SLC2A10: variants seen among roughly 807,000 people sequenced by gnomAD.
SLC2A10 encodes solute carrier family 2 member 10.
SLC2A10 carries 25 observed loss-of-function variants against 32.1 expected under a neutral mutation model. That is an observed-to-expected ratio of 0.78 (90% CI 0.57 to 1.09). The LOEUF (loss-of-function observed/expected upper bound fraction) is 1.09, where lower values mean the gene tolerates loss of function less well. SLC2A10 is among the 50% of genes least tolerant of loss of function. The pLI is 0.00. For synonymous variants in SLC2A10, 332 were observed against 309.6 expected, an observed-to-expected ratio of 1.07 and a Z score of -0.76; for missense variants, 673 against 686.5, an observed-to-expected ratio of 0.98 and a Z score of 0.22.
chr20:46,715,092 AC>A (rs932897423), intron 1 of SLC2A10, among the ~76,000 whole-genome samples: 1 of 152,050 alleles, frequency 6.6e-6, no homozygotes, highest in African/African-American at 2.4e-5. Context: ...CTGAGCCTTA[AC>A]CTCCACATCT....
chr20:46,726,226 G>A lies in SLC2A10; in HGVS notation c.1190G>A (p.Gly397Glu), dbSNP rs1979944218. The A allele has an allele frequency of 6.2e-7, 1 of 1,613,830 alleles. No individual in the cohort carries two copies. The highest frequency in any genetic ancestry group is 8.5e-7 in the Non-Finnish European group (1 of 1,180,046). The change falls in exon 2 of 5, where the codon GGG (glycine) becomes GAG (glutamate). Residue 397 changes from glycine (G) to glutamate (E), a missense_variant. Gly to Glu is a moderately conservative substitution (Grantham distance 98). Coordinates refer to ENST00000359271, the MANE Select transcript of SLC2A10 (RefSeq NM_030777.4). The part of the protein sequence containing the change: ...PRLALSSALP[G>E]PPLPARGHAL... ...CTGGCCCTGAGCTCTGCCCTCCCTG[G>A]GCCCCCTCTGCCCGCTCGGGGGCAT...
chr20:46,717,300 A>G (rs558821263), intron 1 of SLC2A10, among the ~76,000 whole-genome samples: 42 of 152,376 alleles, frequency 2.8e-4, no homozygotes, highest in Non-Finnish European at 1.5e-5. Context: ...CTGATAGCAC[A>G]GTAAATAGAA....
intron 1 of SLC2A10, among the ~76,000 whole-genome samples, chr20:46,718,506 A>G (rs765601975): frequency 6.6e-5 from 10 of 152,136 alleles, no homozygotes; most frequent in Non-Finnish European, 1.5e-4. Context: ...TCTTCACACA[A>G]AGACTTAATT....
chr20:46,712,445 G>C (rs904657497), intron 1 of SLC2A10, among the ~76,000 whole-genome samples: 4 of 152,018 alleles, frequency 2.6e-5, no homozygotes, highest in African/African-American at 9.7e-5. Context: ...CCCTGTCCCG[G>C]GGAAGCTGTG....
At chr20:46,711,380 A>C (rs542260389) in intron 1 of SLC2A10, among the ~76,000 whole-genome samples, 1 of 152,234 alleles carries the variant, frequency 6.6e-6, no homozygotes, top group African/African-American at 2.4e-5. Flanking sequence ...ATTCCTAACC[A>C]CTGCACCACG....
intron 1 of SLC2A10, among the ~76,000 whole-genome samples, chr20:46,711,389 C>T (rs560478634): frequency 4.1e-4 from 63 of 152,284 alleles, no homozygotes; most frequent in African/African-American, 1.4e-3. Flanking sequence ...CACTGCACCA[C>T]GTGGCCTGTC....
upstream of SLC2A10, among the ~76,000 whole-genome samples, chr20:46,708,855 G>A (rs747997767): frequency 2.0e-5 from 3 of 152,124 alleles, no homozygotes; most frequent in Non-Finnish European, 4.4e-5. Flanking sequence ...TACCCCATAA[G>A]CTCCTTCCCA....
chr20:46,719,466 T>C (rs1275460310), intron 1 of SLC2A10, among the ~76,000 whole-genome samples: 1 of 152,152 alleles, frequency 6.6e-6, no homozygotes, highest in Non-Finnish European at 1.5e-5. Flanking sequence ...AAAATCATGG[T>C]GGAAGGTGAA....
At chr20:46,722,804 G>A (rs1693857934) in intron 1 of SLC2A10, among the ~76,000 whole-genome samples, 1 of 152,196 alleles carries the variant, frequency 6.6e-6, no homozygotes, top group African/African-American at 2.4e-5. Context: ...GAGCTGTGTT[G>A]TGACTTTAGA....
intron 1 of SLC2A10, among the ~76,000 whole-genome samples, chr20:46,721,070 A>G (rs1240114860): frequency 6.6e-6 from 1 of 152,160 alleles, no homozygotes; most frequent in East Asian, 1.9e-4. Context: ...CAGATTTCTT[A>G]CAGAGTGGCT....
chr20:46,711,946 A>G (rs968385599), intron 1 of SLC2A10, among the ~76,000 whole-genome samples: 1 of 152,114 alleles, frequency 6.6e-6, no homozygotes, highest in Non-Finnish European at 1.5e-5. Context: ...TTTATTTTAT[A>G]TTGCACCCAA....
At chr20:46,728,611 T>G (rs999671003) in intron 3 of SLC2A10, among the ~76,000 whole-genome samples, 4 of 144,058 alleles carry the variant, frequency 2.8e-5, no homozygotes, top group African/African-American at 5.4e-5. Flanking sequence ...TGTGTTTTTT[T>G]TTTTTTTTTT....
rs970250424 is a variant in SLC2A10 at position 46,734,268 on chromosome 20, G to C, written c.*434G>C. On this transcript the variant is annotated 3_prime_UTR_variant, in exon 5 of 5. Transcript: ENST00000359271. ...AACTGGCTGGGACATTTTCGGAAGG[G>C]GGAAGTCTCTTTTTTTACTCTTATC... 9.4e-6 allele frequency: 2 copies of C among 212,854 alleles called. No homozygotes were observed. The highest frequency in any genetic ancestry group is 4.7e-5 in the African/African-American group (2 of 42,180). 13.2% of individuals were successfully genotyped at this position (212,854 alleles called of 1,614,324 possible).
At chr20:46,730,762 AAGAGTGAAATGGGAGCTTC>A (rs1980253921) in intron 4 of SLC2A10, among the ~76,000 whole-genome samples, 1 of 152,158 alleles carries the variant, frequency 6.6e-6, no homozygotes, top group African/African-American at 2.4e-5. Context: ...CAAATAAAAG[AAGAGTGAAATGGGAGCTTC>A]AGAAGGAACT....
chr20:46,718,212 T>A (rs1281739511), intron 1 of SLC2A10, among the ~76,000 whole-genome samples: 1 of 151,950 alleles, frequency 6.6e-6, no homozygotes, highest in Non-Finnish European at 1.5e-5. Flanking sequence ...GAACGAGACC[T>A]CATCTTAGAA....
chr20:46,728,672 C>T (rs1357873075), intron 3 of SLC2A10, among the ~76,000 whole-genome samples: 1 of 140,060 alleles, frequency 7.1e-6, no homozygotes, highest in East Asian at 2.1e-4. Context: ...GGGTGGAGTG[C>T]AGTGGCATGA....
intron 1 of SLC2A10, among the ~76,000 whole-genome samples, chr20:46,722,195 A>G (rs969839988): frequency 7.9e-5 from 12 of 152,118 alleles, no homozygotes; most frequent in African/African-American, 2.7e-4. Flanking sequence ...TATCTGTGAC[A>G]TGGAGATATT....
intron 1 of SLC2A10, among the ~76,000 whole-genome samples, chr20:46,724,759 AATGG>A (rs1979760046): frequency 7.2e-6 from 1 of 138,964 alleles, no homozygotes; most frequent in South Asian, 2.4e-4. Flanking sequence ...ATGGAGGATG[AATGG>A]ATGGATGGTT....
chr20:46,711,758 A>G (rs959878644), intron 1 of SLC2A10, among the ~76,000 whole-genome samples: 2 of 152,158 alleles, frequency 1.3e-5, no homozygotes, highest in African/African-American at 2.4e-5. Flanking sequence ...ACTGGGTTCT[A>G]GACCCAATTC....
Sources: allele counts gnomAD v4.1 joint callset (sites outside exome capture counted in the v4.1 genomes callset), GRCh38; gene constraint gnomAD v4.1.1; transcripts MANE v1.5; gene names NCBI Gene and HGNC (gene_info 2026-07-23, HGNC 2026-07-21).